Variants in ALG9 observed in about 807,000 individuals in gnomAD.
The protein encoded by ALG9 is ALG9 alpha-1,2-mannosyltransferase.
ALG9 carries 55 observed loss-of-function variants against 81.8 expected under a neutral mutation model. That is an observed-to-expected ratio of 0.67 (90% CI 0.54 to 0.84). The LOEUF is 0.84. Among genes scored for constraint, ALG9 ranks in the 40% least tolerant of loss-of-function variants. The pLI, the probability that ALG9 is intolerant of heterozygous loss-of-function variation, is 0.00. For missense variants in ALG9, 629 were observed against 745.0 expected (o/e 0.84, Z 1.81); for synonymous variants, 278 against 274.3 (o/e 1.01, Z -0.13).
At chr11:111,844,840 T>C in intron 8 of ALG9, 117 bp from the exon 9 acceptor site, 1 of 1,159,508 alleles carries the variant, frequency 8.6e-7, no homozygotes, top group Non-Finnish European at 1.3e-6. Context: ...CTCATGGGAA[T>C]GAGAGTGCAC....
In ALG9 at chr11:111,848,999, A is replaced by G. The variant is rs145829440; in HGVS notation, c.896-4276T>C. ...GCCTAATTAGACAGTAAGTACTATG[A>G]TGAAACAAGATTAATGCTCAAAAGC... On this transcript the variant is annotated intron_variant, in intron 8 of 14. Coordinates refer to ENST00000616540, the MANE Select transcript of ALG9 (RefSeq NM_024740.2). 6.6e-3 allele frequency among the ~76,000 whole-genome samples: 1,010 copies of G among 152,258 alleles called. 6 individuals carry two copies. The highest frequency in any genetic ancestry group is 0.051 in the Middle Eastern group (15 of 294).
At position 111,786,493 on chromosome 11, in the gene ALG9, A is replaced by G; in HGVS notation, c.1761T>C (p.Tyr587=). 6.2e-7 allele frequency: 1 copy of G among 1,614,128 alleles called. No homozygotes were observed. Among genetic ancestry groups the G allele is most frequent in the Non-Finnish European group, 8.5e-7 (1 of 1,179,992 alleles). Reference sequence around the variant, plus strand: ...TATACTGATCTGACAGGAAGGGGACATAGAATGCCCGCAGCAGCTTTGAAG... The same window carrying G: ...TATACTGATCTGACAGGAAGGGGACGTAGAATGCCCGCAGCAGCTTTGAAG... ...SRSSKLLRAF[Y]VPFLSDQYTV... The change falls in exon 15 of 15, where the codon TAT becomes TAC. Residue 587 remains tyrosine, a synonymous_variant. Transcript: ENST00000616540.
At position 111,836,257 on chromosome 11, in the gene ALG9, G is replaced by A; in HGVS notation, c.1510C>T (p.Gln504Ter). Residue 504 changes from glutamine to a stop codon, truncating the protein, a stop_gained, in exon 13 of 15, where the codon CAG (glutamine) becomes TAG (stop). Coordinates refer to ENST00000616540, the MANE Select transcript of ALG9 (RefSeq NM_024740.2). LOFTEE classifies it high-confidence loss of function. ...LQFIPSEFRG[Q>*]LPKPFAEGPL... The stretch of plus-strand genomic sequence containing the variant: ...CCTTCTGCAAAAGGTTTTGGTAACT[G>A]ACCTCTGAACTCTGATGGAATGAAC... 1.9e-6 allele frequency: 3 copies of A among 1,614,072 alleles called. No homozygotes were observed. The highest frequency in any genetic ancestry group is 2.5e-6 in the Non-Finnish European group (3 of 1,180,006).
intron 4 of ALG9, 65 bp from the exon 5 acceptor site, chr11:111,860,700 G>A (rs868989955): frequency 8.2e-7 from 1 of 1,218,698 alleles, no homozygotes; most frequent in Non-Finnish European, 1.2e-6. Flanking sequence ...AATCAAAGGA[G>A]AAAAACACGT....
intron 8 of ALG9, among the ~76,000 whole-genome samples, chr11:111,845,745 C>G (rs1956857304): frequency 6.6e-6 from 1 of 152,182 alleles, no homozygotes; most frequent in Non-Finnish European, 1.5e-5. Flanking sequence ...TGCACCATAG[C>G]AATTTCCTGC....
the ALG9 span, among the ~76,000 whole-genome samples, chr11:111,768,249 A>G: frequency 6.6e-6 from 1 of 152,218 alleles, no homozygotes; most frequent in African/African-American, 2.4e-5. Context: ...AGCAGGCAAC[A>G]CCATAGTAAC....
Position 111,854,158 on chromosome 11 carries a change from C to T in ALG9, c.702-422G>A, listed in dbSNP as rs534811526. The stretch of plus-strand genomic sequence containing the variant: ...TATTGCCCAGGCTGGAGTGCAGTGG[C>T]GCAATCTCGGCTCACTACCGCCTCC... On this transcript the variant is annotated intron_variant, in intron 6 of 14. Coordinates refer to ENST00000616540, the MANE Select transcript of ALG9 (RefSeq NM_024740.2). Among the ~76,000 whole-genome samples the T allele has an allele frequency of 2.9e-5, 4 of 138,502 alleles. No homozygotes were observed. The South Asian group carries it at 9.2e-4, about 32-fold the overall frequency. 90.9% of individuals were successfully genotyped at this position (138,502 alleles called of 152,430 possible).
At chr11:111,839,754 C>G (rs782632656) in intron 10 of ALG9, among the ~76,000 whole-genome samples, 1 of 152,052 alleles carries the variant, frequency 6.6e-6, no homozygotes. Context: ...CAATAAAGTT[C>G]AATTACTTTT....
At chr11:111,843,350 AAACT>A (rs1956503700) in intron 9 of ALG9, among the ~76,000 whole-genome samples, 1 of 152,208 alleles carries the variant, frequency 6.6e-6, no homozygotes, top group Non-Finnish European at 1.5e-5. Flanking sequence ...ATTCTGCTTT[AAACT>A]AACTATAAAA....
At chr11:111,842,290 T>C (rs1399177982) in intron 9 of ALG9, among the ~76,000 whole-genome samples, 3 of 152,174 alleles carry the variant, frequency 2.0e-5, no homozygotes, top group African/African-American at 7.2e-5. Context: ...GGCTAACGAG[T>C]AATCTTTTTT....
chr11:111,778,768 C>T (rs1369362295), downstream of ALG9, among the ~76,000 whole-genome samples: 1 of 150,760 alleles, frequency 6.6e-6, no homozygotes, highest in Non-Finnish European at 1.5e-5. Flanking sequence ...ACCACAAACT[C>T]AGAATTCCTG....
chr11:111,833,952 A>G (rs1429356228), intron 13 of ALG9, among the ~76,000 whole-genome samples: 1 of 152,234 alleles, frequency 6.6e-6, no homozygotes, highest in African/African-American at 2.4e-5. Context: ...TTCTCTCAAC[A>G]TCATTACCAC....
At chr11:111,805,942 C>T (rs965138722) in intron 14 of ALG9, among the ~76,000 whole-genome samples, 5 of 152,078 alleles carry the variant, frequency 3.3e-5, no homozygotes, top group African/African-American at 4.8e-5. Flanking sequence ...CTGCGACTTC[C>T]GCCTCCCAGG....
intron 1 of ALG9, 58 bp downstream of exon 1, chr11:111,871,294 G>A (rs2137311729): frequency 7.3e-7 from 1 of 1,367,776 alleles, no homozygotes; most frequent in East Asian, 3.0e-5. Flanking sequence ...GACCCTCCCG[G>A]GGGCAGCCCC....
chr11:111,825,760 A>T lies in ALG9; in HGVS notation c.1602+10405T>A, dbSNP rs560441511. Among the ~76,000 whole-genome samples the T allele has an allele frequency of 2.6e-5, 4 of 152,222 alleles. No individual in the cohort carries two copies. The East Asian group carries it at 7.7e-4, about 29-fold the overall frequency. ...TCACCTTTAGGTTTATCAAAATAATATATACAGCCGGGCGCGGTGGCTCAC... is the reference window on the plus strand; with the variant it reads ...TCACCTTTAGGTTTATCAAAATAATTTATACAGCCGGGCGCGGTGGCTCAC... On this transcript the variant is annotated intron_variant, in intron 13 of 14. Coordinates refer to ENST00000616540, the MANE Select transcript of ALG9 (RefSeq NM_024740.2).
At chr11:111,803,731 G>A (rs1457465101) in intron 14 of ALG9, among the ~76,000 whole-genome samples, 1 of 151,990 alleles carries the variant, frequency 6.6e-6, no homozygotes, top group South Asian at 2.1e-4. Flanking sequence ...TTCAACAAAC[G>A]GTGCTGGAAC....
chr11:111,794,145 G>A (rs541643556), intron 14 of ALG9, among the ~76,000 whole-genome samples: 90 of 152,182 alleles, frequency 5.9e-4, no homozygotes, highest in Non-Finnish European at 1.0e-3. Context: ...AGGAGCATTC[G>A]GCGGTGGAGA....
intron 9 of ALG9, 89 bp downstream of exon 9, chr11:111,844,506 GAAAATA>G: frequency 6.4e-7 from 1 of 1,563,822 alleles, no homozygotes; most frequent in South Asian, 1.1e-5. Flanking sequence ...GAAGAATGTG[GAAAATA>G]AAGTAAGTAG....
chr11:111,863,817 T>C (rs915043765), intron 4 of ALG9, among the ~76,000 whole-genome samples: 1 of 152,290 alleles, frequency 6.6e-6, no homozygotes, highest in South Asian at 2.1e-4. Context: ...AACTAAGCTG[T>C]AGGGCAGAGG....
Sources: gnomAD v4.1 joint callset for allele counts (sites outside exome capture counted in the v4.1 genomes callset) on GRCh38, gnomAD v4.1.1 for gene constraint, MANE v1.5 for transcripts, NCBI Gene and HGNC (gene_info 2026-07-23, HGNC 2026-07-21) for gene names.